Variants in CATSPERB observed in about 807,000 individuals in gnomAD.
CATSPERB encodes the protein catsper channel auxiliary subunit beta, also known as cation channel sperm-associated auxiliary subunit beta.
A neutral mutation model predicts 128.3 loss-of-function variants in CATSPERB; 93 were observed. The observed-to-expected ratio is 0.72, with a 90% CI of 0.61 to 0.86. The LOEUF (loss-of-function observed/expected upper bound fraction) is 0.86, where lower values mean the gene tolerates loss of function less well. CATSPERB is among the 40% of genes least tolerant of loss of function. The probability of loss-of-function intolerance (pLI) is 0.00; values close to 1 mark genes in which losing one functional copy is unlikely to be tolerated. For synonymous variants in CATSPERB, 381 were observed against 448.8 expected, an observed-to-expected ratio of 0.85 and a Z score of 1.91; for missense variants, 1,153 against 1,329.5, an observed-to-expected ratio of 0.87 and a Z score of 2.06.
chr14:91,627,239 A>G (rs916105582), intron 17 of CATSPERB, among the ~76,000 whole-genome samples: 1 of 152,194 alleles, frequency 6.6e-6, no homozygotes, highest in Non-Finnish European at 1.5e-5. Context: ...ACTCTGAAAT[A>G]TCCTGTCAAG....
At chr14:91,603,068 G>A (rs1893634111) in intron 22 of CATSPERB, 1 of 784,544 alleles carries the variant, frequency 1.3e-6, no homozygotes, top group Non-Finnish European at 2.4e-6. Context: ...TTTGGGTTTT[G>A]GGCCTGCTTT....
At chr14:91,665,885 G>A (rs1311483977) in intron 14 of CATSPERB, among the ~76,000 whole-genome samples, 1 of 152,032 alleles carries the variant, frequency 6.6e-6, no homozygotes, top group Non-Finnish European at 1.5e-5. Context: ...ACCCCCAAAC[G>A]GATATGGTTA....
At chr14:91,670,157 T>C (rs570171757) in intron 13 of CATSPERB, among the ~76,000 whole-genome samples, 185 bp from the exon 14 acceptor site, 3 of 152,310 alleles carry the variant, frequency 2.0e-5, no homozygotes, top group Admixed American at 6.5e-5. Flanking sequence ...ACCCATCTTA[T>C]AGTTGTTGAA....
At chr14:91,656,077 T>C (rs1277781578) in intron 15 of CATSPERB, among the ~76,000 whole-genome samples, 1 of 152,138 alleles carries the variant, frequency 6.6e-6, no homozygotes, top group African/African-American at 2.4e-5. Context: ...GAATGGTATA[T>C]CTGGCAAAAA....
intron 6 of CATSPERB, among the ~76,000 whole-genome samples, chr14:91,706,450 T>G (rs1895734440): frequency 6.6e-6 from 1 of 152,228 alleles, no homozygotes; most frequent in Non-Finnish European, 1.5e-5. Context: ...TAGTATATCT[T>G]AAGCATTTTA....
At chr14:91,671,434 G>C (rs1297927889) in intron 13 of CATSPERB, among the ~76,000 whole-genome samples, 1 of 151,952 alleles carries the variant, frequency 6.6e-6, no homozygotes, top group Non-Finnish European at 1.5e-5. Flanking sequence ...AATTGACCAG[G>C]TGTGGTGGTG....
rs1396647803 is a variant in CATSPERB, at chr14:91,610,526, C to G, written c.2552G>C (p.Gly851Ala). ...AAAACCCTGACTGTCTTTATGAACT[C>G]CACTAATCCAGTCTTCAAATGGGAT... Reference protein sequence around the residue: ...KFIPFEDWISGVHKDSQGFNL... With the variant: ...KFIPFEDWISAVHKDSQGFNL... Residue 851 changes from glycine (G) to alanine (A), a missense_variant, in exon 21 of 27, where the codon GGA becomes GCA. By Grantham distance (60) the Gly-to-Ala change is moderately conservative. Coordinates refer to ENST00000256343, the MANE Select transcript of CATSPERB (RefSeq NM_024764.4). 1.4e-5 allele frequency: 22 copies of G among 1,613,922 alleles called. No individual in the cohort carries two copies. The highest frequency in any genetic ancestry group is 1.6e-4 in the Middle Eastern group (1 of 6,062).
chr14:91,726,045 A>G (rs1896114741), intron 2 of CATSPERB, among the ~76,000 whole-genome samples: 1 of 152,156 alleles, frequency 6.6e-6, no homozygotes, highest in African/African-American at 2.4e-5. Context: ...CCAGGGGAAG[A>G]TCATCTTCCC....
In CATSPERB at chr14:91,624,844, A is replaced by G; in HGVS notation, c.1906T>C (p.Tyr636His). The change falls in exon 18 of 27, where the codon TAT (tyrosine) becomes CAT (histidine). Residue 636 changes from tyrosine to histidine, a missense_variant. Physicochemically the swap from Tyr to His is moderately conservative, Grantham distance 83. Transcript: ENST00000256343. ...CCTTGTGAATCAAGAGTGAGTTTATAGACATTTCCAGCTTTATTAATCAAA... is the reference window on the plus strand; with the variant it reads ...CCTTGTGAATCAAGAGTGAGTTTATGGACATTTCCAGCTTTATTAATCAAA... ...SLLINKAGNV[Y>H]KLTLDSQVVQ... The G allele has an allele frequency of 1.2e-6, 2 of 1,605,810 alleles. No homozygotes were observed. The highest frequency in any genetic ancestry group is 2.3e-5 in the South Asian group (2 of 88,764).
chr14:91,726,133 C>T (rs1438561839), intron 2 of CATSPERB, among the ~76,000 whole-genome samples: 1 of 152,200 alleles, frequency 6.6e-6, no homozygotes, highest in African/African-American at 2.4e-5. Flanking sequence ...CTGCATTCAT[C>T]CTTCAAGTCC....
chr14:91,724,436 A>G (rs1896087012), intron 3 of CATSPERB, among the ~76,000 whole-genome samples: 1 of 152,202 alleles, frequency 6.6e-6, no homozygotes, highest in Non-Finnish European at 1.5e-5. Context: ...AAGCATATCA[A>G]GAGGGAATTG....
chr14:91,723,812 T>C (rs1436412742), intron 3 of CATSPERB, among the ~76,000 whole-genome samples: 1 of 151,532 alleles, frequency 6.6e-6, no homozygotes, highest in African/African-American at 2.4e-5. Flanking sequence ...GACAGAACTC[T>C]CTGCCCCTGT....
At chr14:91,582,036 T>A (rs1893214983) in intron 26 of CATSPERB, among the ~76,000 whole-genome samples, 1 of 152,188 alleles carries the variant, frequency 6.6e-6, no homozygotes, top group South Asian at 2.1e-4. Flanking sequence ...ATGCTATACA[T>A]TCTCTAAAAT....
At chr14:91,623,821 T>C (rs1464642099) in intron 18 of CATSPERB, among the ~76,000 whole-genome samples, 3 of 152,180 alleles carry the variant, frequency 2.0e-5, no homozygotes, top group African/African-American at 7.2e-5. Context: ...ACCCTTAGAA[T>C]AAACTGTACT....
At chr14:91,609,804 T>C (rs967720758) in intron 21 of CATSPERB, among the ~76,000 whole-genome samples, 1 of 152,222 alleles carries the variant, frequency 6.6e-6, no homozygotes, top group African/African-American at 2.4e-5. Flanking sequence ...AGTGGCACCA[T>C]CTCCGCTCAC....
Position 91,716,799 on chromosome 14 carries a change from G to A in CATSPERB, c.370+2619C>T, listed in dbSNP as rs537856890. On this transcript the variant is annotated intron_variant, in intron 5 of 26. Coordinates refer to ENST00000256343, the MANE Select transcript of CATSPERB (RefSeq NM_024764.4). ...TGGCCTGGATGCAGATCACCTGGTG[G>A]TCAGAATGCAAAATGATAAAGCCAC... is the stretch of plus-strand genomic sequence containing the variant. 4.7e-4 allele frequency among the ~76,000 whole-genome samples: 72 copies of A among 151,704 alleles called. 1 individual carries two copies. The highest frequency in any genetic ancestry group is 1.7e-3 in the African/African-American group (69 of 41,336).
At chr14:91,607,094 G>A (rs1471084168) in intron 22 of CATSPERB, among the ~76,000 whole-genome samples, 1 of 110,066 alleles carries the variant, frequency 9.1e-6, no homozygotes, top group Admixed American at 1.0e-4. Flanking sequence ...CGGGGGGGGG[G>A]GGGGCGGTGA....
At chr14:91,721,047 C>G (rs1386901329) in intron 4 of CATSPERB, among the ~76,000 whole-genome samples, 3 of 152,054 alleles carry the variant, frequency 2.0e-5, no homozygotes, top group Admixed American at 2.0e-4. Flanking sequence ...GAGTAAGGAC[C>G]CTTATCTCAC....
At chr14:91,702,946 C>G (rs913486470) in intron 7 of CATSPERB, among the ~76,000 whole-genome samples, 4 of 151,664 alleles carry the variant, frequency 2.6e-5, no homozygotes, top group Non-Finnish European at 5.9e-5. Context: ...TTTGGGATTT[C>G]TTACCTTAAT....
Sources: gnomAD v4.1 joint callset for allele counts (sites outside exome capture counted in the v4.1 genomes callset) on GRCh38, gnomAD v4.1.1 for gene constraint, MANE v1.5 for transcripts, NCBI Gene and HGNC (gene_info 2026-07-23, HGNC 2026-07-21) for gene names.